NKAIN2: variants seen among roughly 807,000 people sequenced by gnomAD.
The protein encoded by NKAIN2 is sodium/potassium transporting ATPase interacting 2.
In NKAIN2, 14 loss-of-function variants were observed where a neutral mutation model predicts 32.6. The ratio of observed to expected loss-of-function variants is 0.43; its 90% CI spans 0.28 to 0.67. The LOEUF (loss-of-function observed/expected upper bound fraction) is 0.67. NKAIN2 is among the 30% of genes least tolerant of loss of function. The probability of loss-of-function intolerance (pLI) is 0.17; values close to 1 mark genes in which losing one functional copy is unlikely to be tolerated. For synonymous variants in NKAIN2, 80 were observed against 87.2 expected, an observed-to-expected ratio of 0.92 and a Z score of 0.46; for missense variants, 198 against 258.3, an observed-to-expected ratio of 0.77 and a Z score of 1.60.
chr6:124,724,349 C>A (rs555991477), intron 4 of NKAIN2, among the ~76,000 whole-genome samples: 1 of 151,974 alleles, frequency 6.6e-6, no homozygotes, highest in Non-Finnish European at 1.5e-5. Flanking sequence ...AGTTTGCTCT[C>A]ACAGGGTATT....
chr6:124,463,457 C>T (rs1461172112), intron 3 of NKAIN2, among the ~76,000 whole-genome samples: 1 of 152,002 alleles, frequency 6.6e-6, no homozygotes, highest in Admixed American at 6.6e-5. Context: ...TCTATTGTAT[C>T]ACTCCCACAT....
At chr6:123,816,349 C>T (rs1204950464) in intron 1 of NKAIN2, among the ~76,000 whole-genome samples, 1 of 152,008 alleles carries the variant, frequency 6.6e-6, no homozygotes, top group African/African-American at 2.4e-5. Context: ...GGCGTATGTC[C>T]CAGTGCCCTA....
intron 1 of NKAIN2, among the ~76,000 whole-genome samples, chr6:123,809,371 C>A (rs1484126555): frequency 6.6e-6 from 1 of 151,944 alleles, no homozygotes; most frequent in Admixed American, 6.5e-5. Context: ...AATAAGTACT[C>A]TATTTATTCC....
At chr6:123,942,819 T>G (rs1393768543) in intron 1 of NKAIN2, among the ~76,000 whole-genome samples, 1 of 152,080 alleles carries the variant, frequency 6.6e-6, no homozygotes, top group African/African-American at 2.4e-5. Context: ...TCACAACAGT[T>G]GGCATCTGTT....
At chr6:124,741,306 G>C (rs1342111495) in intron 4 of NKAIN2, among the ~76,000 whole-genome samples, 1 of 151,692 alleles carries the variant, frequency 6.6e-6, no homozygotes, top group Non-Finnish European at 1.5e-5. Context: ...TTAATATTTA[G>C]ATATTACTAA....
intron 1 of NKAIN2, among the ~76,000 whole-genome samples, chr6:124,084,016 G>A (rs1252445142): frequency 6.6e-6 from 1 of 151,958 alleles, no homozygotes; most frequent in African/African-American, 2.4e-5. Flanking sequence ...ATAACAGAAG[G>A]TAGAGACTTG....
chr6:124,372,218 GTATTTTATAATCTAAA>G (rs1438221844), intron 3 of NKAIN2, among the ~76,000 whole-genome samples: 1 of 152,004 alleles, frequency 6.6e-6, no homozygotes, highest in Non-Finnish European at 1.5e-5. Flanking sequence ...TTATTACAAG[GTATTTTATAATCTAAA>G]TATTTCATCA....
At chr6:124,804,059 A>T (rs950221164) in intron 5 of NKAIN2, among the ~76,000 whole-genome samples, 1 of 152,202 alleles carries the variant, frequency 6.6e-6, no homozygotes, top group African/African-American at 2.4e-5. Context: ...TATAGGTCCA[A>T]TGATGGTAAG....
intron 1 of NKAIN2, among the ~76,000 whole-genome samples, chr6:124,127,894 T>C (rs1786263105): frequency 1.3e-5 from 2 of 152,128 alleles, no homozygotes; most frequent in African/African-American, 4.8e-5. Flanking sequence ...GTGCGCGATC[T>C]TGGCTCACTG....
chr6:124,438,287 C>G (rs1363097070), intron 3 of NKAIN2, among the ~76,000 whole-genome samples: 1 of 152,044 alleles, frequency 6.6e-6, no homozygotes, highest in African/African-American at 2.4e-5. Context: ...AACACTTCAC[C>G]TTATAAACAC....
chr6:124,762,570 C>T (rs573940328), intron 4 of NKAIN2, among the ~76,000 whole-genome samples: 8 of 152,186 alleles, frequency 5.3e-5, no homozygotes, highest in African/African-American at 1.9e-4. Context: ...GATTAGGTTA[C>T]AATACACGAT....
chr6:123,900,160 C>G (rs796214109), intron 1 of NKAIN2, among the ~76,000 whole-genome samples: 8 of 152,112 alleles, frequency 5.3e-5, no homozygotes, highest in African/African-American at 1.9e-4. Flanking sequence ...TTTCATATAC[C>G]TTCCAATAAA....
At chr6:123,881,481 T>C (rs1773450696) in intron 1 of NKAIN2, among the ~76,000 whole-genome samples, 1 of 152,212 alleles carries the variant, frequency 6.6e-6, no homozygotes, top group Non-Finnish European at 1.5e-5. Context: ...TGAAAACCGA[T>C]GGAGTGCATC....
At chr6:124,221,080 C>A (rs1423884850) in intron 1 of NKAIN2, among the ~76,000 whole-genome samples, 1 of 151,950 alleles carries the variant, frequency 6.6e-6, no homozygotes, top group African/African-American at 2.4e-5. Context: ...GACTGTAAAT[C>A]ATGCTGCTAT....
chr6:124,412,389 G>A (rs632456), intron 3 of NKAIN2, among the ~76,000 whole-genome samples: 24,518 of 152,168 alleles, frequency 0.16, 2,273 homozygotes, highest in East Asian at 0.24. Context: ...TTTTCCGTCT[G>A]ACAGTCAGGA....
intron 1 of NKAIN2, among the ~76,000 whole-genome samples, chr6:124,236,675 T>C (rs1299732287): frequency 1.3e-5 from 2 of 152,164 alleles, no homozygotes; most frequent in East Asian, 3.9e-4. Context: ...CTTGGTTTTG[T>C]CTAAGGCAAC....
chr6:124,176,193 A>C (rs188662875), intron 1 of NKAIN2, among the ~76,000 whole-genome samples: 1 of 152,336 alleles, frequency 6.6e-6, no homozygotes, highest in Admixed American at 6.5e-5. Flanking sequence ...ATTGTAAAAA[A>C]GATGCTGACA....
chr6:124,728,057 G>A (rs1282750669), intron 4 of NKAIN2, among the ~76,000 whole-genome samples: 1 of 151,500 alleles, frequency 6.6e-6, no homozygotes, highest in Admixed American at 6.6e-5. Context: ...GATTAATAAA[G>A]CAAGTCCTGA....
At chr6:123,887,738 T>C (rs192219236) in intron 1 of NKAIN2, among the ~76,000 whole-genome samples, 1 of 152,196 alleles carries the variant, frequency 6.6e-6, no homozygotes, top group East Asian at 1.9e-4. Context: ...TTGCCTAAGG[T>C]CAGATGTAGT....
Sources: allele counts gnomAD v4.1 joint callset (sites outside exome capture counted in the v4.1 genomes callset), GRCh38; gene constraint gnomAD v4.1.1; transcripts MANE v1.5; gene names NCBI Gene and HGNC (gene_info 2026-07-23, HGNC 2026-07-21).